PTPRT: variants seen among roughly 807,000 people sequenced by gnomAD.
The protein encoded by PTPRT is protein tyrosine phosphatase receptor type T, also known as receptor-type tyrosine-protein phosphatase T.
Under a neutral mutation model 176.8 loss-of-function variants are expected in PTPRT, and 56 were observed. That is an observed-to-expected ratio of 0.32 (90% CI 0.26 to 0.40). The LOEUF is 0.40. Ranked by LOEUF, PTPRT falls within the 10% of genes least tolerant of loss-of-function variation. The probability of loss-of-function intolerance (pLI) is 1.00; values close to 1 mark genes in which losing one functional copy is unlikely to be tolerated. For missense variants in PTPRT, 1,540 were observed against 1,908.2 expected (o/e 0.81, Z 3.60); for synonymous variants, 783 against 739.0 (o/e 1.06, Z -0.96).
chr20:42,495,114 G>A (rs1015033663), intron 7 of PTPRT, among the ~76,000 whole-genome samples: 1 of 152,090 alleles, frequency 6.6e-6, no homozygotes, highest in African/African-American at 2.4e-5. Context: ...TTCCAGAGCA[G>A]CAAAGAACTT....
rs993302924 is a variant in PTPRT at position 42,929,799 on chromosome 20, T to C, written c.89-43867A>G. 2.6e-5 allele frequency among the ~76,000 whole-genome samples: 4 copies of C among 152,348 alleles called. No homozygotes were observed. In the East Asian group the frequency reaches 7.7e-4, roughly 29 times the overall value. ...CAAGCGTCCTTGGCTCCTGCAAGCG[T>C]GGATCAGACAAAGCAACTCAAGAAC... On this transcript the variant is annotated intron_variant, in intron 1 of 30. Transcript: ENST00000373187.
At chr20:42,624,792 T>G (rs1190189597) in intron 7 of PTPRT, among the ~76,000 whole-genome samples, 2 of 152,188 alleles carry the variant, frequency 1.3e-5, no homozygotes, top group African/African-American at 4.8e-5. Flanking sequence ...AGCTATTTAT[T>G]TATTTATTCA....
chr20:42,742,286 G>A (rs1329356056), intron 6 of PTPRT, among the ~76,000 whole-genome samples: 2 of 152,242 alleles, frequency 1.3e-5, no homozygotes, highest in African/African-American at 2.4e-5. Flanking sequence ...TAGATGGCCA[G>A]AATGAGGTTT....
rs1986536828 is a variant in PTPRT at position 43,039,916 on chromosome 20, C to T, written c.88+149730G>A. Among the ~76,000 whole-genome samples, 3 of 152,004 alleles carry T rather than the reference C, an allele frequency of 2.0e-5. No individual in the cohort carries two copies. In the South Asian group the frequency reaches 6.2e-4, roughly 32 times the overall value. On this transcript the variant is annotated intron_variant, in intron 1 of 30. Transcript: ENST00000373187. ...ATTAGCCAGCTGCAGTGGCATGCGCCTGTAGACCCAGCTACTCAGGAGGCT... is the reference window on the plus strand; with the variant it reads ...ATTAGCCAGCTGCAGTGGCATGCGCTTGTAGACCCAGCTACTCAGGAGGCT...
chr20:43,005,246 G>A (rs1415240109), intron 1 of PTPRT, among the ~76,000 whole-genome samples: 2 of 152,054 alleles, frequency 1.3e-5, no homozygotes, highest in Non-Finnish European at 2.9e-5. Context: ...AATGGCCCAC[G>A]AAGTCCTGAG....
chr20:42,901,040 T>C (rs2079395580), intron 1 of PTPRT, among the ~76,000 whole-genome samples: 1 of 152,152 alleles, frequency 6.6e-6, no homozygotes, highest in African/African-American at 2.4e-5. Context: ...GCAAAGGAAA[T>C]GCTAAGCCGT....
At chr20:42,992,765 C>T (rs143419267) in intron 1 of PTPRT, among the ~76,000 whole-genome samples, 253 of 152,280 alleles carry the variant, frequency 1.7e-3, no homozygotes, top group African/African-American at 5.6e-3. Flanking sequence ...GCAGTTCTGG[C>T]TTGATGTCAC....
chr20:42,087,283 T>C (rs1030563688), intron 27 of PTPRT, among the ~76,000 whole-genome samples: 1 of 152,050 alleles, frequency 6.6e-6, no homozygotes, highest in Non-Finnish European at 1.5e-5. Flanking sequence ...TAGGCGGGAG[T>C]GCAGTGGTGC....
intron 2 of PTPRT, among the ~76,000 whole-genome samples, chr20:42,842,857 C>T (rs1363614206): frequency 6.6e-6 from 1 of 152,174 alleles, no homozygotes; most frequent in African/African-American, 2.4e-5. Context: ...CAGAGGGGGT[C>T]CCTCAAGCCT....
intron 2 of PTPRT, among the ~76,000 whole-genome samples, chr20:42,860,274 C>T (rs1413469680): frequency 6.6e-6 from 1 of 152,196 alleles, no homozygotes; most frequent in East Asian, 1.9e-4. Context: ...GTTAATCTAT[C>T]TGTCTCTTCT....
At chr20:42,083,117 G>GC (rs1983510275) in intron 29 of PTPRT, among the ~76,000 whole-genome samples, 1 of 8,084 alleles carries the variant, frequency 1.2e-4, no homozygotes, top group East Asian at 5.2e-3. Flanking sequence ...AGACACTAGT[G>GC]CAAAAAAAAA....
At chr20:43,043,321 G>C (rs1323906117) in intron 1 of PTPRT, among the ~76,000 whole-genome samples, 2 of 152,006 alleles carry the variant, frequency 1.3e-5, no homozygotes, top group African/African-American at 2.4e-5. Flanking sequence ...AGGTAGAAAA[G>C]TGAAGAGCTC....
intron 9 of PTPRT, among the ~76,000 whole-genome samples, chr20:42,438,648 C>G (rs959311977): frequency 1.3e-5 from 2 of 152,160 alleles, no homozygotes; most frequent in African/African-American, 4.8e-5. Context: ...CATACACACA[C>G]CCCAAGACAA....
intron 7 of PTPRT, among the ~76,000 whole-genome samples, chr20:42,498,300 C>A (rs1039999488): frequency 2.0e-5 from 3 of 152,088 alleles, no homozygotes; most frequent in Non-Finnish European, 4.4e-5. Context: ...TTCAGGAAGG[C>A]AGGGGGCAGG....
At chr20:42,122,859 C>T (rs1227535776) in intron 19 of PTPRT, among the ~76,000 whole-genome samples, 1 of 152,196 alleles carries the variant, frequency 6.6e-6, no homozygotes, top group Non-Finnish European at 1.5e-5. Flanking sequence ...GCCTCACCTC[C>T]AGTTGTCCCT....
chr20:42,651,661 C>T (rs2075032978), intron 7 of PTPRT, among the ~76,000 whole-genome samples: 1 of 152,148 alleles, frequency 6.6e-6, no homozygotes, highest in Non-Finnish European at 1.5e-5. Flanking sequence ...CTGGAAGCTT[C>T]ATCTAGGTTC....
intron 2 of PTPRT, among the ~76,000 whole-genome samples, chr20:42,819,004 C>T (rs1277705776): frequency 6.6e-6 from 1 of 152,102 alleles, no homozygotes; most frequent in Non-Finnish European, 1.5e-5. Flanking sequence ...GAGAACTGCC[C>T]CAACCTAGCA....
Position 42,417,611 on chromosome 20 carries a change from A to T in PTPRT, c.1560+30609T>A, listed in dbSNP as rs76584342. Among the ~76,000 whole-genome samples, 107 of 151,740 alleles carry T rather than the reference A, an allele frequency of 7.1e-4. 1 individual carries two copies. In the East Asian group the frequency reaches 0.019, roughly 27 times the overall value. ...TAGAGAAAAATAATGAAATAAAAAA[A>T]AATGGACAAGCTAATATCTGTTTTA... On this transcript the variant is annotated intron_variant, in intron 9 of 30. Transcript: ENST00000373187.
At chr20:43,048,477 T>C (rs1214557690) in intron 1 of PTPRT, among the ~76,000 whole-genome samples, 5 of 151,724 alleles carry the variant, frequency 3.3e-5, no homozygotes, top group African/African-American at 1.2e-4. Flanking sequence ...GATTTGGCAA[T>C]ATAGAGAGAG....
Sources: gnomAD v4.1 joint callset for allele counts (sites outside exome capture counted in the v4.1 genomes callset) on GRCh38, gnomAD v4.1.1 for gene constraint, MANE v1.5 for transcripts, NCBI Gene and HGNC (gene_info 2026-07-23, HGNC 2026-07-21) for gene names.